Variants in AKAP13 observed in about 807,000 individuals in gnomAD.
AKAP13 encodes A-kinase anchor protein 13.
In AKAP13, 80 loss-of-function variants were observed where a neutral mutation model predicts 264.5. The observed-to-expected ratio is 0.30, with a 90% CI of 0.25 to 0.36. The LOEUF (loss-of-function observed/expected upper bound fraction) is 0.36, where lower values mean the gene tolerates loss of function less well. AKAP13 is among the 10% of genes least tolerant of loss of function. The pLI is 1.00. For synonymous variants in AKAP13, 1,380 were observed against 1,250.2 expected, an observed-to-expected ratio of 1.10 and a Z score of -2.19; for missense variants, 3,712 against 3,435.2, an observed-to-expected ratio of 1.08 and a Z score of -2.01.
intron 1 of AKAP13, among the ~76,000 whole-genome samples, chr15:85,448,626 T>A (rs1452381699): frequency 6.6e-6 from 1 of 152,092 alleles, no homozygotes; most frequent in African/African-American, 2.4e-5. Context: ...ATAGGGAGTC[T>A]TTTCCCTATT....
At chr15:85,554,293 A>G (rs2078063059) in intron 5 of AKAP13, among the ~76,000 whole-genome samples, 1 of 152,226 alleles carries the variant, frequency 6.6e-6, no homozygotes, top group Non-Finnish European at 1.5e-5. Flanking sequence ...TTAAACAAGA[A>G]CATGTTTATA....
At chr15:85,381,718 G>A (rs2141819261) in intron 1 of AKAP13, 1 of 152,126 alleles carries the variant, frequency 6.6e-6, no homozygotes, top group Non-Finnish European at 1.5e-5. Context: ...ATTGGATTGA[G>A]CGGTATTTTG....
At chr15:85,566,498 A>G (rs1219920400) in intron 5 of AKAP13, among the ~76,000 whole-genome samples, 2 of 152,188 alleles carry the variant, frequency 1.3e-5, no homozygotes, top group East Asian at 3.8e-4. Context: ...AGCCTCTAGC[A>G]TAGTGCCTAC....
intron 11 of AKAP13, among the ~76,000 whole-genome samples, chr15:85,657,518 T>C (rs557537575): frequency 6.6e-6 from 1 of 152,324 alleles, no homozygotes; most frequent in African/African-American, 2.4e-5. Flanking sequence ...GCAGGTAGTT[T>C]GCATCATTTA....
intron 2 of AKAP13, among the ~76,000 whole-genome samples, chr15:85,503,049 C>A (rs2076078602): frequency 6.6e-6 from 1 of 152,116 alleles, no homozygotes; most frequent in Non-Finnish European, 1.5e-5. Flanking sequence ...GGAACATTTT[C>A]TTTGTACCTA....
Position 85,603,164 on chromosome 15 carries a change from A to G in AKAP13, c.4161+17341A>G, listed in dbSNP as rs373053278. Among the ~76,000 whole-genome samples, 28 of 152,354 alleles carry G rather than the reference A, an allele frequency of 1.8e-4. No homozygotes were observed. In the East Asian group the frequency reaches 4.8e-3, roughly 26 times the overall value. On this transcript the variant is annotated intron_variant, in intron 8 of 36. Coordinates refer to ENST00000394518, the MANE Select transcript of AKAP13 (RefSeq NM_007200.5). ...TTTTAAGTAAAGTGTTGTTTCCTGA[A>G]AAAAGCAGTTTAGCTCACAACATAA...
chr15:85,431,262 TA>T (rs1280479921), intron 1 of AKAP13, among the ~76,000 whole-genome samples: 1 of 152,226 alleles, frequency 6.6e-6, no homozygotes, highest in Non-Finnish European at 1.5e-5. Context: ...CAGGAAAATC[TA>T]AAATATCCCT....
intron 1 of AKAP13, among the ~76,000 whole-genome samples, chr15:85,422,550 GT>G (rs560966373): frequency 1.3e-5 from 2 of 152,100 alleles, no homozygotes; most frequent in South Asian, 4.1e-4. Flanking sequence ...TTTTTGTTTT[GT>G]TTTAATAATG....
chr15:85,542,698 G>C (rs2077613785), intron 4 of AKAP13, among the ~76,000 whole-genome samples: 1 of 152,202 alleles, frequency 6.6e-6, no homozygotes, highest in South Asian at 2.1e-4. Context: ...AAAGACCTCA[G>C]CTCCTGTCAT....
Position 85,491,885 on chromosome 15 carries a change from C to T in AKAP13, c.33+6132C>T, listed in dbSNP as rs573407924. Reference sequence around the variant, plus strand: ...CACATTTGCATGCCTTACGTTAATGCATGCAGTGCTCACAGCAGTGTTACC... The same window carrying T: ...CACATTTGCATGCCTTACGTTAATGTATGCAGTGCTCACAGCAGTGTTACC... On this transcript the variant is annotated intron_variant, in intron 2 of 36. Coordinates refer to ENST00000394518, the MANE Select transcript of AKAP13 (RefSeq NM_007200.5). Among the ~76,000 whole-genome samples the T allele has an allele frequency of 6.6e-5, 10 of 152,278 alleles. No individual in the cohort carries two copies. The South Asian group carries it at 2.1e-3, about 32-fold the overall frequency.
chr15:85,501,342 GT>G (rs2151092177), intron 2 of AKAP13, among the ~76,000 whole-genome samples: 1 of 152,256 alleles, frequency 6.6e-6, no homozygotes, highest in African/African-American at 2.4e-5. Flanking sequence ...TCGTGATTAT[GT>G]GTTGCCCATA....
chr15:85,743,768 C>T lies in AKAP13; in HGVS notation c.8335C>T (p.Pro2779Ser). ...TACCCGCCTGTTTGGGTTAACAAAG[C>T]CAAAGGAAAAGAAGGAGAAAAAAAA... ...ASTRLFGLTK[P>S]KEKKEKKKKN... The change falls in exon 36 of 37, where the codon CCA becomes TCA. Residue 2779 changes from proline (P) to serine (S), a missense_variant. Pro to Ser is a moderately conservative substitution (Grantham distance 74, BLOSUM62 -1). Transcript: ENST00000394518. The T allele has an allele frequency of 6.2e-7, 1 of 1,613,478 alleles. No individual in the cohort carries two copies. Among genetic ancestry groups the T allele is most frequent in the East Asian group, 2.2e-5 (1 of 44,876 alleles).
chr15:85,708,093 C>G lies in AKAP13; in HGVS notation c.5532+7C>G, dbSNP rs1245372700. ...TGCAAAGGTCAAAATGAAGGTAAGA[C>G]TTTCTGGCTAAAACAAGGCTTAAAA... On this transcript the variant is annotated splice_region_variant and intron_variant, in intron 18 of 36. Transcript: ENST00000394518. The surrounding 1 kb of genome is among the most constrained non-coding windows in gnomAD (Gnocchi z 4.3). The G allele has an allele frequency of 1.2e-6, 2 of 1,613,386 alleles. No homozygotes were observed. The highest frequency in any genetic ancestry group is 1.7e-6 in the Non-Finnish European group (2 of 1,179,564).
In AKAP13 at chr15:85,580,295, C is replaced by A. The variant is rs1022321404; in HGVS notation, c.2227C>A (p.Arg743=). The part of the protein sequence containing the change: ...PFKVVDNKGQ[R]KDVKLDKPLT... ...CAAAGTGGTGGATAACAAAGGCCAA[C>A]GAAAAGATGTGAAACTAGATAAACC... Residue 743 remains arginine, a synonymous_variant, in exon 7 of 37, where the codon CGA becomes AGA. Transcript: ENST00000394518. 3 of 1,614,118 alleles carry A rather than the reference C, an allele frequency of 1.9e-6. No homozygotes were observed. Among genetic ancestry groups the A allele is most frequent in the South Asian group, 1.1e-5 (1 of 91,078 alleles).
At chr15:85,527,258 C>T (rs763620829) in intron 3 of AKAP13, among the ~76,000 whole-genome samples, 23 of 152,272 alleles carry the variant, frequency 1.5e-4, no homozygotes, top group African/African-American at 4.3e-4. Context: ...CCACCGCACC[C>T]GGCCCTGTTG....
At position 85,660,800 on chromosome 15, in the gene AKAP13, T is replaced by C. The variant is rs200633234; in HGVS notation, c.4799+2210T>C. On this transcript the variant is annotated intron_variant, in intron 12 of 36. Transcript: ENST00000394518. Reference sequence around the variant, plus strand: ...TCTGCACTTGTAAGCTTTATACCACTAATTTAATCTGATTTAAAATGTTTT... The same window carrying C: ...TCTGCACTTGTAAGCTTTATACCACCAATTTAATCTGATTTAAAATGTTTT... 2.0e-5 allele frequency among the ~76,000 whole-genome samples: 3 copies of C among 152,336 alleles called. No individual in the cohort carries two copies. The East Asian group carries it at 5.8e-4, about 29-fold the overall frequency.
intron 1 of AKAP13, among the ~76,000 whole-genome samples, chr15:85,408,011 ATGGTGGGAATTAGGAGG>A (rs2071760537): frequency 6.6e-6 from 1 of 151,644 alleles, no homozygotes; most frequent in Non-Finnish European, 1.5e-5. Flanking sequence ...TGTTGAGTAG[ATGGTGGGAATTAGGAGG>A]TGGTAGTTGT....
At chr15:85,573,765 G>A (rs1175381664) in intron 5 of AKAP13, among the ~76,000 whole-genome samples, 1 of 151,124 alleles carries the variant, frequency 6.6e-6, no homozygotes, top group Admixed American at 6.6e-5. Context: ...GAGAAAGTAG[G>A]ATTTTCTGAT....
At chr15:85,381,771 G>A (rs1221216263) in intron 1 of AKAP13, 1 of 151,974 alleles carries the variant, frequency 6.6e-6, no homozygotes, top group African/African-American at 2.4e-5. Context: ...GAAGTTATTT[G>A]GAGAGTTTAT....
Sources: allele counts gnomAD v4.1 joint callset (sites outside exome capture counted in the v4.1 genomes callset), GRCh38; gene constraint gnomAD v4.1.1; non-coding constraint Gnocchi (gnomAD v3.1); transcripts MANE v1.5; gene names NCBI Gene and HGNC (gene_info 2026-07-23, HGNC 2026-07-21).